VPS8: variants seen among roughly 807,000 people sequenced by gnomAD.
VPS8 encodes vacuolar protein sorting-associated protein 8 homolog.
A neutral mutation model predicts 216.4 loss-of-function variants in VPS8; 129 were observed. That is an observed-to-expected ratio of 0.60 (90% CI 0.52 to 0.69). The LOEUF is 0.69. VPS8 is among the 30% of genes least tolerant of loss of function. The pLI is 0.00. For synonymous variants in VPS8, 571 were observed against 565.4 expected (o/e 1.01, Z -0.14); for missense variants, 1,531 against 1,683.5 (o/e 0.91, Z 1.59).
intron 34 of VPS8, among the ~76,000 whole-genome samples, chr3:184,935,740 G>A (rs1741492573): frequency 6.6e-6 from 1 of 152,190 alleles, no homozygotes; most frequent in Admixed American, 6.5e-5. Flanking sequence ...TTAATTAAAA[G>A]TGGTCAACAT....
At position 184,866,879 on chromosome 3, in the gene VPS8, T is replaced by G; in HGVS notation, c.1399T>G (p.Leu467Val). 1 of 1,609,866 alleles carries G rather than the reference T, an allele frequency of 6.2e-7. No individual in the cohort carries two copies. Among genetic ancestry groups the G allele is most frequent in the Non-Finnish European group, 8.5e-7 (1 of 1,178,778 alleles). The change falls in exon 17 of 48, where the codon TTG (leucine) becomes GTG (valine). Residue 467 changes from leucine to valine, a missense_variant. Transcript: ENST00000625842. ...TGGNVSQALALVGEKACYQSI... is the reference protein window; with the variant it reads ...TGGNVSQALAVVGEKACYQSI... ...TGTATGTATGTTTTTCTTCCAGGCT[T>G]TGGTTGGAGAGAAGGCTTGTTATCA...
At chr3:184,912,712 A>G (rs943112595) in intron 25 of VPS8, among the ~76,000 whole-genome samples, 1 of 152,220 alleles carries the variant, frequency 6.6e-6, no homozygotes, top group Non-Finnish European at 1.5e-5. Flanking sequence ...ATTTGGAGCA[A>G]TTCATGTTTA....
rs557857426 is a variant in VPS8 at position 184,886,629 on chromosome 3, G to A, written c.1781+473G>A. Among the ~76,000 whole-genome samples the A allele has an allele frequency of 3.3e-5, 5 of 151,774 alleles. No individual in the cohort carries two copies. The East Asian group carries it at 9.7e-4, about 29-fold the overall frequency. The stretch of plus-strand genomic sequence containing the variant: ...GAATCTCGCCCTGTCACCCAGGCTG[G>A]AGTGCAATGGTGCGATCTCAGCTCA... On this transcript the variant is annotated intron_variant, in intron 22 of 47. Transcript: ENST00000625842.
At chr3:184,867,738 C>G (rs954744280) in intron 17 of VPS8, among the ~76,000 whole-genome samples, 5 of 152,010 alleles carry the variant, frequency 3.3e-5, no homozygotes, top group African/African-American at 4.8e-5. Context: ...CTCAGCTACT[C>G]GAGAAGCTGA....
intron 25 of VPS8, among the ~76,000 whole-genome samples, chr3:184,908,023 C>T (rs946800145): frequency 3.3e-5 from 5 of 152,196 alleles, no homozygotes; most frequent in East Asian, 1.9e-4. Flanking sequence ...CTCCCGTTCT[C>T]CAGTTTTTCC....
rs1483344905 is a variant in VPS8, at chr3:184,894,952, T to C, written c.2004+27T>C. On this transcript the variant is annotated intron_variant, in intron 23 of 47. Coordinates refer to ENST00000625842, the MANE Select transcript of VPS8 (RefSeq NM_001009921.3). ...TGAGTTTATAGACAGTCTACTAACT[T>C]ATGAAATAAACTTCATTCCTTTATT... The C allele has an allele frequency of 4.5e-6, 7 of 1,548,182 alleles. No homozygotes were observed. In the East Asian group the frequency reaches 1.4e-4, roughly 31 times the overall value.
chr3:184,845,482 A>G lies in VPS8; in HGVS notation c.541+2237A>G, dbSNP rs1372415539. 2.6e-5 allele frequency among the ~76,000 whole-genome samples: 4 copies of G among 152,168 alleles called. No homozygotes were observed. The South Asian group carries it at 6.2e-4, about 24-fold the overall frequency. ...ATAGGACATATGAAGAGGAGTGGCC[A>G]GGCACAGTGGCTCAAGCCTGTAATC... is the stretch of plus-strand genomic sequence containing the variant. On this transcript the variant is annotated intron_variant, in intron 8 of 47. Transcript: ENST00000625842.
chr3:184,948,734 C>T (rs904669423), intron 36 of VPS8, among the ~76,000 whole-genome samples: 3 of 152,126 alleles, frequency 2.0e-5, no homozygotes, highest in African/African-American at 4.8e-5. Context: ...AGACATGGCA[C>T]CAGGCTAGTT....
At chr3:185,035,196 A>G (rs1225072454) in intron 46 of VPS8, among the ~76,000 whole-genome samples, 2 of 152,158 alleles carry the variant, frequency 1.3e-5, no homozygotes, top group African/African-American at 2.4e-5. Flanking sequence ...AGAAGAACTG[A>G]TATCAATCCT....
chr3:184,842,174 G>C (rs1338807551), intron 7 of VPS8, among the ~76,000 whole-genome samples: 4 of 85,550 alleles, frequency 4.7e-5, no homozygotes, highest in Non-Finnish European at 5.9e-5. Context: ...GTGACAGAGC[G>C]AGACTCCGTC....
intron 42 of VPS8, among the ~76,000 whole-genome samples, chr3:184,985,122 A>C (rs1471021637): frequency 6.6e-6 from 1 of 152,154 alleles, no homozygotes; most frequent in Non-Finnish European, 1.5e-5. Context: ...ATATATGTAC[A>C]GAGATTTTTA....
rs1759213203 is a variant in VPS8, at chr3:185,038,554, A to G, written c.4057-9925A>G. ...AATCCACAAGTCTCTTCCCAGTTGC[A>G]TTTCACCACTAACTCCACTGTTCTT... On this transcript the variant is annotated intron_variant, in intron 46 of 47. Transcript: ENST00000625842. Among the ~76,000 whole-genome samples, 3 of 152,228 alleles carry G rather than the reference A, an allele frequency of 2.0e-5. No individual in the cohort carries two copies. The South Asian group carries it at 6.2e-4, about 31-fold the overall frequency.
intron 7 of VPS8, chr3:184,840,014 A>T (rs1322851284): frequency 1.2e-6 from 1 of 803,294 alleles, no homozygotes; most frequent in Non-Finnish European, 1.6e-6. Context: ...AGACAAAAAG[A>T]ATAAAGTTGA....
At chr3:185,051,149 T>C (rs996212488) in intron 47 of VPS8, among the ~76,000 whole-genome samples, 2 of 152,162 alleles carry the variant, frequency 1.3e-5, no homozygotes, top group African/African-American at 4.8e-5. Flanking sequence ...ATGGTCCCCC[T>C]GAGTGGCAGA....
intron 45 of VPS8, among the ~76,000 whole-genome samples, chr3:185,003,467 G>T (rs1753723619): frequency 7.1e-6 from 1 of 141,378 alleles, no homozygotes; most frequent in Non-Finnish European, 1.5e-5. Context: ...CACAGGGTTG[G>T]GGGTAAGGTC....
chr3:184,813,079 G>C (rs1715512772), intron 1 of VPS8, among the ~76,000 whole-genome samples: 1 of 152,156 alleles, frequency 6.6e-6, no homozygotes, highest in Admixed American at 6.5e-5. Context: ...AGAGTGTCTG[G>C]GTGTACAAAA....
At position 185,048,507 on chromosome 3, in the gene VPS8, A is replaced by G. The variant is rs931032546; in HGVS notation, c.4085A>G (p.Gln1362Arg). The G allele has an allele frequency of 6.2e-7, 1 of 1,613,922 alleles. No homozygotes were observed. Among genetic ancestry groups the G allele is most frequent in the African/African-American group, 1.3e-5 (1 of 74,944 alleles). ...ACCTCAGAACCTGTTCTGGATCCACAGCAAATCCAAGCATTTGATCAGCTT... is the reference window on the plus strand; with the variant it reads ...ACCTCAGAACCTGTTCTGGATCCACGGCAAATCCAAGCATTTGATCAGCTT... ...KGTSEPVLDP[Q>R]QIQAFDQLCR... Residue 1362 changes from glutamine (Q) to arginine (R), a missense_variant, in exon 47 of 48, where the codon CAG (glutamine) becomes CGG (arginine). Transcript: ENST00000625842.
At chr3:185,032,959 G>A (rs1043571698) in intron 46 of VPS8, among the ~76,000 whole-genome samples, 8 of 152,198 alleles carry the variant, frequency 5.3e-5, no homozygotes, top group East Asian at 3.9e-4. Context: ...GAGCCACCCC[G>A]CCCGGCCCCT....
intron 42 of VPS8, among the ~76,000 whole-genome samples, chr3:184,987,466 A>G (rs1243859476): frequency 6.6e-6 from 1 of 151,874 alleles, no homozygotes; most frequent in African/African-American, 2.4e-5. Context: ...AGAATGTCAT[A>G]TAGTTGGAAT....
Sources: allele counts gnomAD v4.1 joint callset (sites outside exome capture counted in the v4.1 genomes callset), GRCh38; gene constraint gnomAD v4.1.1; transcripts MANE v1.5; gene names NCBI Gene and HGNC (gene_info 2026-07-23, HGNC 2026-07-21).